The following ANXA11 variants were observed in gnomAD, a reference collection of about 807,000 sequenced individuals.
The protein encoded by ANXA11 is annexin A11.
A neutral mutation model predicts 64.7 loss-of-function variants in ANXA11; 57 were observed. The observed-to-expected ratio is 0.88, with a 90% CI of 0.71 to 1.10. ANXA11 has a LOEUF of 1.10. Among genes scored for constraint, ANXA11 ranks in the 50% least tolerant of loss-of-function variants. The probability of loss-of-function intolerance (pLI) is 0.00; values close to 1 mark genes in which losing one functional copy is unlikely to be tolerated. For missense variants in ANXA11, 675 were observed against 670.7 expected, an observed-to-expected ratio of 1.01 and a Z score of -0.07; for synonymous variants, 260 against 265.2, an observed-to-expected ratio of 0.98 and a Z score of 0.19.
At chr10:80,182,155 G>A (rs138932398) in intron 1 of ANXA11, among the ~76,000 whole-genome samples, 28 of 151,614 alleles carry the variant, frequency 1.8e-4, no homozygotes, top group Non-Finnish European at 3.5e-4. Context: ...GTGGATCGAT[G>A]TTGCTTCCCT....
At chr10:80,176,698 A>AC (rs1846181466) in intron 1 of ANXA11, among the ~76,000 whole-genome samples, 1 of 152,132 alleles carries the variant, frequency 6.6e-6, no homozygotes, top group Non-Finnish European at 1.5e-5. Context: ...AGCCTTGGTA[A>AC]CCCTGGAGGG....
At position 80,154,867 on chromosome 10, in the gene ANXA11, C is replaced by T. The variant is rs1845225350; in HGVS notation, c.*986G>A. On this transcript the variant is annotated 3_prime_UTR_variant, in exon 16 of 16. Coordinates refer to ENST00000422982, the MANE Select transcript of ANXA11 (RefSeq NM_145868.2). Reference sequence around the variant, plus strand: ...CCTGGGTGAAGGACTGCATTCTTCGCACCACACCTTCAGTGGACTTCACTG... The same window carrying T: ...CCTGGGTGAAGGACTGCATTCTTCGTACCACACCTTCAGTGGACTTCACTG... 6.6e-6 allele frequency: 1 copy of T among 152,262 alleles called. No homozygotes were observed. The highest frequency in any genetic ancestry group is 6.5e-5 in the Admixed American group (1 of 15,290). 9.4% of individuals were successfully genotyped at this position (152,262 alleles called of 1,614,324 possible). A position where few individuals can be genotyped will look rare whatever the true frequency, so the allele number is the denominator to read the frequency against.
At position 80,178,706 on chromosome 10, in the gene ANXA11, C is replaced by T. The variant is rs541614502; in HGVS notation, c.-57-2551G>A. ...TTGAATCAGTGTCTCTGGGGCAGGG[C>T]CCAAAAAGTTGCATTTCCAGTGGCT... is the stretch of plus-strand genomic sequence containing the variant. On this transcript the variant is annotated intron_variant, in intron 1 of 15. Coordinates refer to ENST00000422982, the MANE Select transcript of ANXA11 (RefSeq NM_145868.2). 2.6e-5 allele frequency among the ~76,000 whole-genome samples: 4 copies of T among 152,334 alleles called. No homozygotes were observed. In the South Asian group the frequency reaches 8.3e-4, roughly 32 times the overall value.
In ANXA11 at chr10:80,169,297, GGGGCCCCAGGGTACA is replaced by G. The variant is rs1441166367; in HGVS notation, c.218_232del (p.Leu73_Ala77del). On this transcript the variant is annotated inframe_deletion, in exon 5 of 16. Transcript: ENST00000422982. ...GGGCACTGGTGGGTAGCCAGCCCCA[GGGGCCCCAGGGTACA>G]GGTTGGGCATGTTGGCTCCTCCAAA... The G allele has an allele frequency of 2.5e-6, 4 of 1,610,910 alleles. No homozygotes were observed. The Admixed American group carries it at 6.7e-5, about 27-fold the overall frequency.
intron 12 of ANXA11, among the ~76,000 whole-genome samples, chr10:80,161,536 C>CG (rs1421793377): frequency 6.6e-6 from 1 of 152,272 alleles, no homozygotes; most frequent in Non-Finnish European, 1.5e-5. Context: ...CCTGCTCCAC[C>CG]ACCTGACAGA....
intron 4 of ANXA11, among the ~76,000 whole-genome samples, chr10:80,170,159 C>T (rs1564611717): frequency 6.6e-6 from 1 of 152,124 alleles, no homozygotes. Flanking sequence ...CCTGTCTTTT[C>T]CCCATAGATG....
intron 1 of ANXA11, among the ~76,000 whole-genome samples, chr10:80,177,005 A>T (rs1208667637): frequency 1.5e-5 from 2 of 136,216 alleles, no homozygotes; most frequent in Non-Finnish European, 3.1e-5. Flanking sequence ...TTTGAGACGG[A>T]GTCTCACTGT....
Position 80,166,238 on chromosome 10 carries a change from C to G in ANXA11, c.745-41G>C, listed in dbSNP as rs769057528. 5.2e-6 allele frequency: 6 copies of G among 1,163,674 alleles called. No homozygotes were observed. In the East Asian group the frequency reaches 1.4e-4, roughly 28 times the overall value. The allele number at this position is 1,163,674 out of a possible 1,614,324, so 72.1% of individuals were successfully genotyped here. On this transcript the variant is annotated intron_variant, in intron 7 of 15. Transcript: ENST00000422982. The stretch of plus-strand genomic sequence containing the variant: ...AACAAACAACCAACAAAAAAAAAAA[C>G]AAGTCTATTTAAAAAATCCACAGGA...
chr10:80,167,584 GCC>G, intron 5 of ANXA11, among the ~76,000 whole-genome samples: 1 of 152,154 alleles, frequency 6.6e-6, no homozygotes, highest in East Asian at 1.9e-4. Flanking sequence ...TCTGCCCAGT[GCC>G]CAGGTCCTCC....
At chr10:80,159,335 A>G (rs1845413633) in intron 12 of ANXA11, 140 bp from the exon 13 acceptor site, 2 of 672,340 alleles carry the variant, frequency 3.0e-6, no homozygotes, top group Admixed American at 2.3e-5. Flanking sequence ...AAGTTAAAAC[A>G]TGCTGCTAGG....
chr10:80,188,225 A>T (rs1846620342), intron 1 of ANXA11, among the ~76,000 whole-genome samples: 1 of 151,796 alleles, frequency 6.6e-6, no homozygotes, highest in Non-Finnish European at 1.5e-5. Context: ...GTCACAAGGG[A>T]CTTCTCAATT....
rs558292151 is a variant in ANXA11 at position 80,196,414 on chromosome 10, G to A, written c.-58+8929C>T. ...CATACTGAATACTGGCAGGAACCCC[G>A]GTGGACTCTGACTCATTTCTTTCAC... On this transcript the variant is annotated intron_variant, in intron 1 of 15. Transcript: ENST00000422982. Among the ~76,000 whole-genome samples, 9 of 152,240 alleles carry A rather than the reference G, an allele frequency of 5.9e-5. No homozygotes were observed. In the South Asian group the frequency reaches 1.2e-3, roughly 21 times the overall value.
intron 13 of ANXA11, among the ~76,000 whole-genome samples, chr10:80,158,577 G>A (rs980894522): frequency 6.6e-6 from 1 of 152,324 alleles, no homozygotes; most frequent in Admixed American, 6.5e-5. Context: ...AAGAGGGGTT[G>A]TGAGGGCCTC....
chr10:80,157,878 C>A, intron 14 of ANXA11, 89 bp downstream of exon 14: 1 of 1,590,498 alleles, frequency 6.3e-7, no homozygotes. Flanking sequence ...TGAGATTTAG[C>A]TCTCCCCAGG....
rs551956709 is a variant in ANXA11, at chr10:80,152,232, T to C, written c.*3621A>G. Reference sequence around the variant, plus strand: ...TATCCAGGAGGCAGGAGAAGACCCATTGTGTTCTATCCCAGAAAGATGACC... The same window carrying C: ...TATCCAGGAGGCAGGAGAAGACCCACTGTGTTCTATCCCAGAAAGATGACC... On this transcript the variant is annotated 3_prime_UTR_variant, in exon 16 of 16. Transcript: ENST00000422982. The C allele has an allele frequency of 5.3e-5, 8 of 152,184 alleles. No individual in the cohort carries two copies. Among genetic ancestry groups the C allele is most frequent in the African/African-American group, 1.2e-4 (5 of 41,452 alleles). The allele number at this position is 152,184 out of a possible 1,614,324, so 9.4% of individuals were successfully genotyped here.
chr10:80,163,276 C>T lies in ANXA11; in HGVS notation c.1086+73G>A. The T allele has an allele frequency of 2.6e-6, 4 of 1,561,622 alleles. 1 individual carries two copies. In the East Asian group the frequency reaches 6.8e-5, roughly 26 times the overall value. ...CTATTGTTCTTTCCACCCTAGGGTA[C>T]CTCTCTCAGGAAGCAAGAAAGCGGG... On this transcript the variant is annotated intron_variant, in intron 11 of 15. Transcript: ENST00000422982.
At position 80,166,050 on chromosome 10, in the gene ANXA11, A is replaced by G. The variant is rs759914550; in HGVS notation, c.858+34T>C. On this transcript the variant is annotated intron_variant, in intron 8 of 15. Transcript: ENST00000422982. ...CGTGCGCACACACGCGCGCACACAC[A>G]CACACACACACACACACACACACAC... The G allele has an allele frequency of 5.4e-4, 219 of 403,608 alleles. 1 individual carries two copies. The highest frequency in any genetic ancestry group is 1.3e-3 in the African/African-American group (44 of 34,468). The allele number at this position is 403,608 out of a possible 1,614,324, so 25.0% of individuals were successfully genotyped here. A position where few individuals can be genotyped will look rare whatever the true frequency, so the allele number is the denominator to read the frequency against.
At chr10:80,204,933 A>G (rs995550028) in intron 1 of ANXA11, 1 of 152,156 alleles carries the variant, frequency 6.6e-6, no homozygotes, top group Non-Finnish European at 1.5e-5. Flanking sequence ...CCTCGCCTAG[A>G]AGGGCGCGCG....
At chr10:80,177,608 G>A (rs545936397) in intron 1 of ANXA11, among the ~76,000 whole-genome samples, 7 of 152,236 alleles carry the variant, frequency 4.6e-5, no homozygotes, top group South Asian at 2.1e-4. Context: ...AAGGGACAAC[G>A]AGGGACACTA....
Sources: allele counts gnomAD v4.1 joint callset (sites outside exome capture counted in the v4.1 genomes callset), GRCh38; gene constraint gnomAD v4.1.1; transcripts MANE v1.5; gene names NCBI Gene and HGNC (gene_info 2026-07-23, HGNC 2026-07-21).